The following DPP10 variants were observed in gnomAD, a reference collection of about 807,000 sequenced individuals.
DPP10 encodes the protein inactive dipeptidyl peptidase 10.
Under a neutral mutation model 120.9 loss-of-function variants are expected in DPP10, and 33 were observed. That is an observed-to-expected ratio of 0.27 (90% CI 0.21 to 0.37). The LOEUF (loss-of-function observed/expected upper bound fraction) is 0.37, where lower values mean the gene tolerates loss of function less well. DPP10 is among the 10% of genes least tolerant of loss of function. The pLI is 1.00. For missense variants in DPP10, 816 were observed against 942.8 expected (o/e 0.87, Z 1.76); for synonymous variants, 337 against 326.1 (o/e 1.03, Z -0.36).
intron 9 of DPP10, among the ~76,000 whole-genome samples, chr2:115,745,409 C>T (rs1206018568): frequency 6.6e-6 from 1 of 150,452 alleles, no homozygotes; most frequent in Non-Finnish European, 1.5e-5. Context: ...AGTGTTGATT[C>T]ACTGAACTCA....
At chr2:115,602,521 GTCTT>G (rs1449257859) in intron 5 of DPP10, among the ~76,000 whole-genome samples, 3 of 151,852 alleles carry the variant, frequency 2.0e-5, no homozygotes, top group African/African-American at 7.3e-5. Context: ...TATTTTTTTA[GTCTT>G]TCTATTTGCT....
chr2:115,715,621 C>T (rs1469273524), intron 7 of DPP10, among the ~76,000 whole-genome samples: 2 of 152,148 alleles, frequency 1.3e-5, no homozygotes, highest in African/African-American at 2.4e-5. Context: ...GTGACTTAGT[C>T]GCTATTGTTT....
chr2:114,964,029 C>T (rs1365125543), intron 1 of DPP10, among the ~76,000 whole-genome samples: 1 of 152,138 alleles, frequency 6.6e-6, no homozygotes, highest in Admixed American at 6.6e-5. Context: ...ACTAATAATA[C>T]TAAGAACCCA....
chr2:115,508,694 A>G (rs1271349406), intron 4 of DPP10, among the ~76,000 whole-genome samples: 1 of 152,088 alleles, frequency 6.6e-6, no homozygotes, highest in Admixed American at 6.6e-5. Flanking sequence ...CACAAGGTCA[A>G]GAGATTAAGA....
chr2:115,246,512 A>G (rs1454354067), intron 1 of DPP10, among the ~76,000 whole-genome samples: 1 of 152,158 alleles, frequency 6.6e-6, no homozygotes, highest in African/African-American at 2.4e-5. Flanking sequence ...GTGTGAACAA[A>G]TGTATGGGCC....
chr2:115,160,628 A>G (rs35809114), intron 1 of DPP10, among the ~76,000 whole-genome samples: 128,090 of 152,118 alleles, frequency 0.84, 54,153 homozygotes, highest in East Asian at 0.99. Context: ...TTTCTCCGGT[A>G]AGCAATCTTC....
In DPP10 at chr2:115,768,355, A is replaced by G. The variant is rs1347560199; in HGVS notation, c.1172A>G (p.Lys391Arg). Residue 391 changes from lysine (K) to arginine (R), a missense_variant, in exon 13 of 26, where the codon AAG becomes AGG. Transcript: ENST00000410059. ...GSKFFMTVPVKQGGRGEFHHV... is the reference protein window; with the variant it reads ...GSKFFMTVPVRQGGRGEFHHV... Reference sequence around the variant, plus strand: ...AAATTCTTTATGACAGTGCCTGTTAAGCAAGGGGGACGTGGAGAATTTCAC... The same window carrying G: ...AAATTCTTTATGACAGTGCCTGTTAGGCAAGGGGGACGTGGAGAATTTCAC... 4 of 1,613,592 alleles carry G rather than the reference A, an allele frequency of 2.5e-6. No homozygotes were observed. The highest frequency in any genetic ancestry group is 3.4e-6 in the Non-Finnish European group (4 of 1,179,710).
chr2:115,418,481 G>C (rs1305255772), intron 3 of DPP10, among the ~76,000 whole-genome samples: 1 of 152,148 alleles, frequency 6.6e-6, no homozygotes, highest in East Asian at 1.9e-4. Context: ...TCTAAAATTT[G>C]CAGAGCAAGC....
chr2:115,640,495 G>A (rs138556515), intron 5 of DPP10, among the ~76,000 whole-genome samples: 167 of 151,496 alleles, frequency 1.1e-3, no homozygotes, highest in African/African-American at 3.7e-3. Flanking sequence ...TCTTGATCTC[G>A]TTTATATGGA....
intron 1 of DPP10, among the ~76,000 whole-genome samples, chr2:114,840,673 T>A (rs1339562045): frequency 6.6e-6 from 1 of 152,180 alleles, no homozygotes; most frequent in East Asian, 1.9e-4. Context: ...AAGTTAGAAG[T>A]TGACTGTTGT....
chr2:114,777,155 A>G (rs902354101), intron 1 of DPP10, among the ~76,000 whole-genome samples: 4 of 152,084 alleles, frequency 2.6e-5, no homozygotes, highest in African/African-American at 9.7e-5. Flanking sequence ...GGTATATTTT[A>G]TTGTTTTTTA....
intron 1 of DPP10, among the ~76,000 whole-genome samples, chr2:114,669,757 AT>A (rs890405250): frequency 3.5e-4 from 53 of 151,930 alleles, no homozygotes; most frequent in East Asian, 9.7e-4. Flanking sequence ...AAAAATGGCC[AT>A]TTTTTTTATT....
chr2:114,504,813 G>T (rs1485908307), intron 1 of DPP10, among the ~76,000 whole-genome samples: 1 of 152,026 alleles, frequency 6.6e-6, no homozygotes, highest in Non-Finnish European at 1.5e-5. Flanking sequence ...CAGTGCTTTG[G>T]GAGGCTGAGG....
chr2:115,798,202 C>G (rs763045038), intron 19 of DPP10, among the ~76,000 whole-genome samples: 9 of 151,668 alleles, frequency 5.9e-5, no homozygotes, highest in Admixed American at 3.3e-4. Flanking sequence ...TTACAAAGTT[C>G]TTAGTTTTAG....
intron 3 of DPP10, among the ~76,000 whole-genome samples, chr2:115,471,522 C>A (rs536783551): frequency 1.3e-5 from 2 of 152,262 alleles, no homozygotes; most frequent in South Asian, 4.2e-4. Flanking sequence ...CGCAGTCTTA[C>A]ATCTTGAAAA....
At chr2:114,634,344 C>A (rs1320892034) in intron 1 of DPP10, among the ~76,000 whole-genome samples, 1 of 151,594 alleles carries the variant, frequency 6.6e-6, no homozygotes, top group African/African-American at 2.4e-5. Context: ...CTACCCAAGT[C>A]CCTATCCTTA....
At chr2:115,408,734 C>A (rs533142824) in intron 3 of DPP10, among the ~76,000 whole-genome samples, 2 of 151,870 alleles carry the variant, frequency 1.3e-5, no homozygotes, top group African/African-American at 4.8e-5. Flanking sequence ...TCTAAGACAA[C>A]CTTTTGAGAG....
At chr2:114,768,016 T>C (rs1012216529) in intron 1 of DPP10, among the ~76,000 whole-genome samples, 9 of 151,600 alleles carry the variant, frequency 5.9e-5, no homozygotes, top group South Asian at 2.1e-4. Flanking sequence ...TAATCCCAGC[T>C]ACTTGGGAGG....
intron 5 of DPP10, among the ~76,000 whole-genome samples, chr2:115,551,874 G>T (rs114463300): frequency 1.3e-3 from 196 of 152,088 alleles, no homozygotes; most frequent in African/African-American, 4.5e-3. Flanking sequence ...AACACAGTTG[G>T]TTAAAAAAAG....
Sources: allele counts gnomAD v4.1 joint callset (sites outside exome capture counted in the v4.1 genomes callset), GRCh38; gene constraint gnomAD v4.1.1; transcripts MANE v1.5; gene names NCBI Gene and HGNC (gene_info 2026-07-23, HGNC 2026-07-21).